Variants in NELL2 observed in about 807,000 individuals in gnomAD.
The protein encoded by NELL2 is protein kinase C-binding protein NELL2.
Under a neutral mutation model 109.6 loss-of-function variants are expected in NELL2, and 41 were observed. The ratio of observed to expected loss-of-function variants is 0.37; its 90% CI spans 0.29 to 0.49. NELL2 has a LOEUF of 0.49. Ranked by LOEUF, NELL2 falls within the 20% of genes least tolerant of loss-of-function variation. NELL2 has a pLI of 0.98. For missense variants in NELL2, 900 were observed against 1,008.3 expected (o/e 0.89, Z 1.45); for synonymous variants, 355 against 344.7 (o/e 1.03, Z -0.33).
intron 12 of NELL2, among the ~76,000 whole-genome samples, chr12:44,694,768 G>T (rs937409159): frequency 2.6e-5 from 4 of 152,082 alleles, no homozygotes; most frequent in African/African-American, 9.7e-5. Context: ...CCTCCCATTA[G>T]ATCCAGCAGG....
At chr12:44,846,756 T>C (rs546311861) in intron 2 of NELL2, among the ~76,000 whole-genome samples, 1 of 134,302 alleles carries the variant, frequency 7.4e-6, no homozygotes, top group African/African-American at 2.6e-5. Context: ...GTTATGCAAG[T>C]GTACATATTT....
chr12:44,815,246 T>C (rs925144587), intron 3 of NELL2, among the ~76,000 whole-genome samples: 1 of 152,206 alleles, frequency 6.6e-6, no homozygotes, highest in African/African-American at 2.4e-5. Context: ...GGCTGGAAGA[T>C]AGTAGACACC....
chr12:44,906,823 T>A (rs1945724257), intron 1 of NELL2, among the ~76,000 whole-genome samples: 1 of 152,014 alleles, frequency 6.6e-6, no homozygotes, highest in Non-Finnish European at 1.5e-5. Flanking sequence ...ATGATTGAGA[T>A]TTAAAGGAAA....
intron 19 of NELL2, among the ~76,000 whole-genome samples, chr12:44,512,874 G>A (rs191800346): frequency 6.6e-6 from 1 of 152,104 alleles, no homozygotes; most frequent in East Asian, 1.9e-4. Context: ...AGCTAGATAG[G>A]AGGAATAAGT....
intron 13 of NELL2, among the ~76,000 whole-genome samples, chr12:44,637,460 T>TA (rs1946683165): frequency 6.9e-6 from 1 of 145,056 alleles, no homozygotes; most frequent in Non-Finnish European, 1.5e-5. Context: ...AATAAGCTGA[T>TA]ACACAAATCA....
chr12:44,838,535 A>G (rs1489027207), intron 2 of NELL2, among the ~76,000 whole-genome samples: 1 of 152,168 alleles, frequency 6.6e-6, no homozygotes, highest in Non-Finnish European at 1.5e-5. Context: ...GTAAAATGGG[A>G]ACAATAATAA....
intron 18 of NELL2, among the ~76,000 whole-genome samples, chr12:44,520,811 T>C (rs1035520988): frequency 6.6e-6 from 1 of 152,220 alleles, no homozygotes; most frequent in Non-Finnish European, 1.5e-5. Flanking sequence ...GTGAATTGGA[T>C]CTTTTTAAAA....
At chr12:44,836,038 G>A (rs1163251340) in intron 2 of NELL2, among the ~76,000 whole-genome samples, 1 of 152,174 alleles carries the variant, frequency 6.6e-6, no homozygotes. Context: ...GAGGGGGGTG[G>A]AAGGAGTCTA....
At chr12:44,820,509 T>C (rs1943504773) in intron 2 of NELL2, among the ~76,000 whole-genome samples, 2 of 151,040 alleles carry the variant, frequency 1.3e-5, no homozygotes, top group African/African-American at 2.4e-5. Context: ...CTCGGGAGGC[T>C]GAGGCAGGAG....
At chr12:44,585,001 CCAAA>C (rs771515588) in intron 15 of NELL2, among the ~76,000 whole-genome samples, 95 of 152,188 alleles carry the variant, frequency 6.2e-4, no homozygotes, top group Non-Finnish European at 1.1e-3. Flanking sequence ...GTGACTTTGT[CCAAA>C]CAGTCTTGAA....
intron 9 of NELL2, among the ~76,000 whole-genome samples, chr12:44,757,641 T>C (rs1303698896): frequency 2.6e-5 from 4 of 152,170 alleles, no homozygotes. Context: ...TTCCAGATGT[T>C]GCTGAAGTGT....
At chr12:44,920,812 A>G (rs369637241) in intron 1 of NELL2, among the ~76,000 whole-genome samples, 16 of 152,318 alleles carry the variant, frequency 1.1e-4, no homozygotes, top group African/African-American at 3.6e-4. Flanking sequence ...GAGAGTACAA[A>G]CCAGTGCAAA....
chr12:44,861,434 C>T (rs1179789132), intron 2 of NELL2, among the ~76,000 whole-genome samples: 3 of 152,000 alleles, frequency 2.0e-5, no homozygotes, highest in East Asian at 3.9e-4. Context: ...TTTGGGCTGC[C>T]CCACTGTCAG....
At chr12:44,619,208 C>T (rs1945949731) in intron 13 of NELL2, among the ~76,000 whole-genome samples, 1 of 152,048 alleles carries the variant, frequency 6.6e-6, no homozygotes, top group Non-Finnish European at 1.5e-5. Flanking sequence ...AACACAGGTG[C>T]ACAAGATAAA....
chr12:44,780,194 G>C (rs1342397926), intron 3 of NELL2, among the ~76,000 whole-genome samples, 172 bp from the exon 4 acceptor site: 1 of 152,050 alleles, frequency 6.6e-6, no homozygotes, highest in Non-Finnish European at 1.5e-5. Context: ...GAGAAAAAAA[G>C]ATATTCAGGA....
chr12:44,704,353 T>A (rs1016485253), intron 11 of NELL2, among the ~76,000 whole-genome samples: 73 of 43,312 alleles, frequency 1.7e-3, no homozygotes, highest in African/African-American at 3.8e-3. Context: ...GTGTTAAAGA[T>A]GAATATTAAA....
intron 18 of NELL2, among the ~76,000 whole-genome samples, chr12:44,521,081 T>C (rs1381617169): frequency 6.6e-6 from 1 of 152,228 alleles, no homozygotes; most frequent in Non-Finnish European, 1.5e-5. Context: ...TTCCTTTTCA[T>C]TTACACCACT....
intron 12 of NELL2, among the ~76,000 whole-genome samples, chr12:44,702,697 A>C (rs773721825): frequency 6.6e-6 from 1 of 152,204 alleles, no homozygotes; most frequent in Non-Finnish European, 1.5e-5. Flanking sequence ...AAGGGAAGCC[A>C]TATTTCTTTT....
intron 3 of NELL2, among the ~76,000 whole-genome samples, chr12:44,780,248 G>C (rs1566377373): frequency 6.6e-6 from 1 of 151,952 alleles, no homozygotes; most frequent in Non-Finnish European, 1.5e-5. Flanking sequence ...TTTCCATTTT[G>C]TGTCATATAT....
Sources: gnomAD v4.1 joint callset for allele counts (sites outside exome capture counted in the v4.1 genomes callset) on GRCh38, gnomAD v4.1.1 for gene constraint, MANE v1.5 for transcripts, NCBI Gene and HGNC (gene_info 2026-07-23, HGNC 2026-07-21) for gene names.